SOAT2: variants seen among roughly 807,000 people sequenced by gnomAD.
The protein encoded by SOAT2 is ACAT-2.
Under a neutral mutation model 76.0 loss-of-function variants are expected in SOAT2, and 87 were observed. The observed-to-expected ratio is 1.14, with a 90% CI of 0.96 to 1.37. The LOEUF (loss-of-function observed/expected upper bound fraction) is 1.37, where lower values mean the gene tolerates loss of function less well. Ranked by LOEUF, SOAT2 falls within the 40% of genes most tolerant of loss-of-function variation. The probability of loss-of-function intolerance (pLI) is 0.00; values close to 1 mark genes in which losing one functional copy is unlikely to be tolerated. For missense variants in SOAT2, 686 were observed against 682.1 expected (o/e 1.01, Z -0.06); for synonymous variants, 285 against 275.4 (o/e 1.03, Z -0.34).
chr12:53,114,584 G>A (rs566705135), intron 5 of SOAT2, among the ~76,000 whole-genome samples: 1 of 152,214 alleles, frequency 6.6e-6, no homozygotes, highest in South Asian at 2.1e-4. Context: ...AGCCAGTCGT[G>A]GTGGTGCAAG....
intron 2 of SOAT2, 50 bp from the exon 3 acceptor site, chr12:53,105,057 G>T (rs757439881): frequency 6.5e-7 from 1 of 1,535,406 alleles, no homozygotes. Flanking sequence ...GTGAATGAAA[G>T]GATGGCTGAC....
chr12:53,111,562 T>C (rs930889581), intron 5 of SOAT2, among the ~76,000 whole-genome samples: 3 of 152,238 alleles, frequency 2.0e-5, no homozygotes, highest in Non-Finnish European at 4.4e-5. Context: ...ATATTAATGT[T>C]TCATTCATTA....
At chr12:53,124,044 C>A in intron 14 of SOAT2, 29 bp from the exon 15 acceptor site, 1 of 1,613,874 alleles carries the variant, frequency 6.2e-7, no homozygotes, top group Non-Finnish European at 8.5e-7. Context: ...GGAATGATCT[C>A]ATTCACGACT....
At position 53,123,191 on chromosome 12, in the gene SOAT2, G is replaced by A; in HGVS notation, c.1347G>A (p.Met449Ile). The A allele has an allele frequency of 1.9e-6, 3 of 1,614,040 alleles. No homozygotes were observed. Among genetic ancestry groups the A allele is most frequent in the Non-Finnish European group, 2.5e-6 (3 of 1,179,978 alleles). Residue 449 changes from methionine (M) to isoleucine (I), a missense_variant, in exon 13 of 15, where the codon ATG (methionine) becomes ATA (isoleucine). Coordinates refer to ENST00000301466, the MANE Select transcript of SOAT2 (RefSeq NM_003578.4). ...CFVLGFFYPV[M>I]LILFLVIGGM... ...TCCTGGGGTTCTTCTATCCCGTCATGCTGATACTCTTCCTTGTCATTGGAG... is the reference window on the plus strand; with the variant it reads ...TCCTGGGGTTCTTCTATCCCGTCATACTGATACTCTTCCTTGTCATTGGAG...
At position 53,120,806 on chromosome 12, in the gene SOAT2, A is replaced by C. The variant is rs753951023; in HGVS notation, c.1060A>C (p.Ile354Leu). Residue 354 changes from isoleucine (I) to leucine (L), a missense_variant, in exon 11 of 15, where the codon ATC becomes CTC. Ile to Leu is a conservative substitution (Grantham distance 5, BLOSUM62 2). Transcript: ENST00000301466. ...ACCAGGCATCTTCATGCTGCTGCTC[A>C]TCTTCTTTGCCTTCCTCCATTGCTG... ...TLPGIFMLLLIFFAFLHCWLN... is the reference protein window; with the variant it reads ...TLPGIFMLLLLFFAFLHCWLN... 3.1e-6 allele frequency: 5 copies of C among 1,613,976 alleles called. No individual in the cohort carries two copies. In the South Asian group the frequency reaches 5.5e-5, roughly 18 times the overall value.
chr12:53,109,105 C>T (rs10876409), intron 5 of SOAT2, among the ~76,000 whole-genome samples: 28,442 of 152,002 alleles, frequency 0.19, 3,402 homozygotes, highest in African/African-American at 0.35. Flanking sequence ...AGCATGGTGG[C>T]GCATGCCTGT....
At position 53,124,263 on chromosome 12, in the gene SOAT2, T is replaced by G. The variant is rs1393123592; in HGVS notation, c.*140T>G. The G allele has an allele frequency of 2.6e-6, 2 of 779,254 alleles. No homozygotes were observed. Among genetic ancestry groups the G allele is most frequent in the East Asian group, 5.0e-5 (2 of 39,696 alleles). The allele number at this position is 779,254 out of a possible 1,614,324, so 48.3% of individuals were successfully genotyped here. A position where few individuals can be genotyped will look rare whatever the true frequency, so the allele number is the denominator to read the frequency against. ...GCACACAAGACCCCACCAAGGAATG[T>G]GCAAGGACTGAGATCTGCAGACTTG... On this transcript the variant is annotated 3_prime_UTR_variant, in exon 15 of 15. Transcript: ENST00000301466.
chr12:53,119,179 TC>T lies in SOAT2; in HGVS notation c.966del (p.Phe323LeufsTer4). 6.2e-7 allele frequency: 1 copy of T among 1,613,886 alleles called. No homozygotes were observed. The highest frequency in any genetic ancestry group is 8.5e-7 in the Non-Finnish European group (1 of 1,179,934). ...ATCCTGGGCCGCCTCTGTGTTCCTGTCTTTGCCAACATGAGCCGAGAGCCCT... is the reference window on the plus strand; with the variant it reads ...ATCCTGGGCCGCCTCTGTGTTCCTGTTTTGCCAACATGAGCCGAGAGCCCT... Reference protein sequence around the residue: ...CFILGRLCVPVFANMSREPFS... With the variant: ...CFILGRLCVPXFANMSREPFS... On this transcript the variant is annotated frameshift_variant, in exon 10 of 15. Transcript: ENST00000301466. LOFTEE classifies it high-confidence loss of function.
rs774048359 is a variant in SOAT2 at position 53,119,132 on chromosome 12, A to T, written c.918A>T (p.Gly306=). The change falls in exon 10 of 15, where the codon GGA becomes GGT. Residue 306 remains glycine, a synonymous_variant. Coordinates refer to ENST00000301466, the MANE Select transcript of SOAT2 (RefSeq NM_003578.4). The part of the protein sequence containing the change: ...YVAKNFAQAL[G]CVLYACFILG... ...CCCCATGCCCCCTCCAGGCCCTGGG[A>T]TGTGTGCTCTATGCCTGCTTCATCC... 13 of 1,613,268 alleles carry T rather than the reference A, an allele frequency of 8.1e-6. No homozygotes were observed. The highest frequency in any genetic ancestry group is 1.1e-5 in the Non-Finnish European group (13 of 1,179,790).
At chr12:53,122,524 G>A (rs1427817839) in intron 12 of SOAT2, among the ~76,000 whole-genome samples, 2 of 150,834 alleles carry the variant, frequency 1.3e-5, no homozygotes, top group Non-Finnish European at 2.9e-5. Flanking sequence ...ATTAGGGAGT[G>A]GTGATGACTC....
At chr12:53,113,299 A>G (rs985475481) in intron 5 of SOAT2, among the ~76,000 whole-genome samples, 1 of 152,192 alleles carries the variant, frequency 6.6e-6, no homozygotes, top group Non-Finnish European at 1.5e-5. Flanking sequence ...CAATAGGAAA[A>G]CAATAGGCTC....
intron 2 of SOAT2, among the ~76,000 whole-genome samples, chr12:53,104,435 A>T (rs980115211): frequency 2.7e-5 from 4 of 149,154 alleles, no homozygotes; most frequent in Non-Finnish European, 6.0e-5. Flanking sequence ...GGTGTGGCTA[A>T]TTTTTTTTTT....
At chr12:53,119,429 C>G (rs1301917805) in intron 10 of SOAT2, among the ~76,000 whole-genome samples, 176 bp downstream of exon 10, 7 of 152,176 alleles carry the variant, frequency 4.6e-5, no homozygotes, top group Admixed American at 2.6e-4. Flanking sequence ...TCTGCTCCCC[C>G]TCCACATCAG....
chr12:53,110,205 A>G (rs1937991926), intron 5 of SOAT2, among the ~76,000 whole-genome samples: 1 of 152,186 alleles, frequency 6.6e-6, no homozygotes, highest in Non-Finnish European at 1.5e-5. Flanking sequence ...AACAGTGTTA[A>G]ATATATATTA....
Position 53,103,526 on chromosome 12 carries a change from G to A in SOAT2, c.-52G>A. 4.0e-6 allele frequency: 6 copies of A among 1,490,892 alleles called. No individual in the cohort carries two copies. Among genetic ancestry groups the A allele is most frequent in the Non-Finnish European group, 5.4e-6 (6 of 1,101,418 alleles). The allele number at this position is 1,490,892 out of a possible 1,614,324, so 92.4% of individuals were successfully genotyped here. ...TCTACAGGGCAGGCCACACTGCGAAGGAAGGAGGCAACACGGGCAAGGGCT... is the reference window on the plus strand; with the variant it reads ...TCTACAGGGCAGGCCACACTGCGAAAGAAGGAGGCAACACGGGCAAGGGCT... On this transcript the variant is annotated 5_prime_UTR_variant, in exon 1 of 15. Transcript: ENST00000301466.
chr12:53,116,792 C>T lies in SOAT2; in HGVS notation c.778+626C>T, dbSNP rs975644206. Among the ~76,000 whole-genome samples, 14 of 151,514 alleles carry T rather than the reference C, an allele frequency of 9.2e-5. 1 individual carries two copies. The highest frequency in any genetic ancestry group is 8.6e-4 in the Admixed American group (13 of 15,200). ...CTGAGGTGAGAAGATTACTTGAGTC[C>T]GGGAGGTGAAGGCTGCAGTGAGCCA... is the stretch of plus-strand genomic sequence containing the variant. On this transcript the variant is annotated intron_variant, in intron 7 of 14. Coordinates refer to ENST00000301466, the MANE Select transcript of SOAT2 (RefSeq NM_003578.4).
chr12:53,112,116 A>AT (rs574067383), intron 5 of SOAT2, among the ~76,000 whole-genome samples: 5 of 151,336 alleles, frequency 3.3e-5, no homozygotes, highest in Non-Finnish European at 4.4e-5. Flanking sequence ...GTGCACTTAC[A>AT]TTTTTTTTTC....
chr12:53,123,012 T>C, intron 12 of SOAT2, 69 bp from the exon 13 acceptor site: 1 of 1,463,394 alleles, frequency 6.8e-7, no homozygotes, highest in Non-Finnish European at 9.1e-7. Flanking sequence ...GGCGGGGGGC[T>C]GGAGGTGGGG....
chr12:53,121,248 G>A (rs2272297), intron 11 of SOAT2, 55 bp from the exon 12 acceptor site: 209,792 of 1,326,026 alleles, frequency 0.16, 20,429 homozygotes, highest in African/African-American at 0.46. Flanking sequence ...GGGAGGAGCC[G>A]GAACCCAGAT....
Sources: allele counts gnomAD v4.1 joint callset (sites outside exome capture counted in the v4.1 genomes callset), GRCh38; gene constraint gnomAD v4.1.1; transcripts MANE v1.5; gene names NCBI Gene and HGNC (gene_info 2026-07-23, HGNC 2026-07-21).